Variants in CCDC194 observed in about 807,000 individuals in gnomAD.
The protein encoded by CCDC194 is coiled-coil domain-containing protein 194.
In CCDC194, 8 loss-of-function variants were observed where a neutral mutation model predicts 4.9. The observed-to-expected ratio is 1.65, with a 90% CI of 0.97 to 2.97. The LOEUF is 2.97. Ranked by LOEUF, CCDC194 falls within the 30% of genes most tolerant of loss-of-function variation. CCDC194 has a pLI of 0.00. For synonymous variants in CCDC194, 13 were observed against 17.0 expected, an observed-to-expected ratio of 0.76 and a Z score of 0.58; for missense variants, 52 against 43.1, an observed-to-expected ratio of 1.21 and a Z score of -0.58.
downstream of CCDC194, among the ~76,000 whole-genome samples, chr19:17,388,066 TTA>T (rs1017455359): frequency 7.0e-4 from 106 of 151,046 alleles, 1 homozygote; most frequent in Non-Finnish European, 1.9e-4. Context: ...TTTTGTATTT[TTA>T]ATAGAGAAAG....
chr19:17,391,532 T>C (rs1599587707), intron 2 of CCDC194, 189 bp from the exon 3 acceptor site: 2 of 1,128,692 alleles, frequency 1.8e-6, no homozygotes, highest in Admixed American at 2.6e-5. Context: ...ATTGCTTTCG[T>C]GAGTCGTTTA....
exon 1 of CCDC194, chr19:17,393,904 C>G (rs1009740577): frequency 5.0e-6 from 2 of 397,410 alleles, no homozygotes; most frequent in African/African-American, 4.1e-5. Flanking sequence ...GGTCCAGCTG[C>G]CTGGCTAGGG....
chr19:17,390,323 T>A (rs75265974), downstream of CCDC194, among the ~76,000 whole-genome samples: 3,373 of 152,256 alleles, frequency 0.022, 44 homozygotes, highest in African/African-American at 0.034. This position sits in a 1 kb window ranked among gnomAD's most constrained non-coding sequence, Gnocchi z 5.5. Flanking sequence ...GTCTGTAGAA[T>A]AAGCACTTTA....
intron 2 of CCDC194, 35 bp from the exon 3 acceptor site, chr19:17,391,378 T>TGCCCCC: frequency 2.0e-6 from 1 of 501,564 alleles, no homozygotes; most frequent in East Asian, 3.5e-5. Flanking sequence ...GGCTGGAGAC[T>TGCCCCC]CCCGCGCCCA....
At chr19:17,393,499 C>A (rs889261738) in intron 1 of CCDC194, among the ~76,000 whole-genome samples, 2 of 151,428 alleles carry the variant, frequency 1.3e-5, no homozygotes, top group African/African-American at 2.4e-5. Context: ...AGCGATTCTC[C>A]CGCGTTAGCC....
At chr19:17,392,555 CG>C (rs1369518638) in intron 1 of CCDC194, among the ~76,000 whole-genome samples, 4 of 152,126 alleles carry the variant, frequency 2.6e-5, no homozygotes, top group African/African-American at 7.2e-5. Flanking sequence ...GGGTATGTGT[CG>C]GTTGCCTGTG....
chr19:17,392,439 C>T (rs372839485), intron 1 of CCDC194, among the ~76,000 whole-genome samples: 5 of 152,216 alleles, frequency 3.3e-5, no homozygotes, highest in African/African-American at 1.2e-4. Flanking sequence ...TGCCACTGCA[C>T]TCCAGCCTGG....
chr19:17,391,634 G>A, intron 2 of CCDC194, 116 bp downstream of exon 2: 1 of 1,527,390 alleles, frequency 6.5e-7, no homozygotes, highest in Non-Finnish European at 8.7e-7. Flanking sequence ...ATAAGTTTTT[G>A]CGTTTATATC....
At chr19:17,387,396 C>A (rs2074639485), downstream of CCDC194, among the ~76,000 whole-genome samples, 1 of 151,708 alleles carries the variant, frequency 6.6e-6, no homozygotes, top group South Asian at 2.1e-4. Context: ...TAAAAGTCCC[C>A]TCCCCAAGCC....
At chr19:17,388,954 T>C (rs1234132396), downstream of CCDC194, among the ~76,000 whole-genome samples, 1 of 152,130 alleles carries the variant, frequency 6.6e-6, no homozygotes, top group Non-Finnish European at 1.5e-5. Context: ...TCCTCCCGCC[T>C]CAGCCTCCCA....
chr19:17,391,785 C>G, exon 2 of CCDC194: 1 of 1,535,678 alleles, frequency 6.5e-7, no homozygotes, highest in Non-Finnish European at 8.7e-7. Context: ...CATCTGGGTC[C>G]CCTGTGCCTT....
At chr19:17,393,779 G>T (rs1057493705) in intron 1 of CCDC194, 56 bp downstream of exon 1, 2 of 392,940 alleles carry the variant, frequency 5.1e-6, no homozygotes, top group African/African-American at 4.1e-5. Context: ...TGGGCAGGCC[G>T]TCTCTTATCT....
Position 17,390,651 on chromosome 19 carries a change from A to C in CCDC194, c.563T>G (p.Leu188Arg), listed in dbSNP as rs1483058942. 2.5e-6 allele frequency: 1 copy of C among 397,752 alleles called. No homozygotes were observed. Among genetic ancestry groups the C allele is most frequent in the East Asian group, 3.6e-5 (1 of 28,032 alleles). 24.6% of individuals were successfully genotyped at this position (397,752 alleles called of 1,614,324 possible). Residue 188 changes from leucine to arginine, a missense_variant, in exon 4 of 4, where the codon CTG (leucine) becomes CGG (arginine). Transcript: ENST00000636079. This position sits in a 1 kb window ranked among gnomAD's most constrained non-coding sequence, Gnocchi z 5.5. ...GCGCTGTGGGCTCATCTCGGCTTCC[A>C]GGACGTTACTGCCGGGAAGGGGGAA...
downstream of CCDC194, among the ~76,000 whole-genome samples, chr19:17,387,677 C>T (rs1464216927): frequency 6.6e-6 from 1 of 151,694 alleles, no homozygotes; most frequent in Non-Finnish European, 1.5e-5. Context: ...GAGACTGCGC[C>T]ATTGCACTCC....
chr19:17,388,580 TG>T (rs369714482), downstream of CCDC194, among the ~76,000 whole-genome samples: 1 of 151,970 alleles, frequency 6.6e-6, no homozygotes, highest in African/African-American at 2.4e-5. Flanking sequence ...TTTGTATTTT[TG>T]GTAGAGAATG....
At chr19:17,391,281 G>T (rs1016473176) in exon 3 of CCDC194, 9 of 415,590 alleles carry the variant, frequency 2.2e-5, no homozygotes, top group African/African-American at 1.9e-4. Context: ...CCTGCGCGCC[G>T]CAGAGCCTCG....
At chr19:17,393,041 T>G (rs997725979) in intron 1 of CCDC194, among the ~76,000 whole-genome samples, 29 of 151,634 alleles carry the variant, frequency 1.9e-4, no homozygotes, top group African/African-American at 7.0e-4. Flanking sequence ...GAGGTTGGGG[T>G]GGAATGGGGG....
At chr19:17,391,659 T>G (rs930891855) in intron 2 of CCDC194, 91 bp downstream of exon 2, 1 of 1,534,722 alleles carries the variant, frequency 6.5e-7, no homozygotes, top group Non-Finnish European at 8.7e-7. Flanking sequence ...TTATTTGCAT[T>G]ACGTTTGCAA....
downstream of CCDC194, among the ~76,000 whole-genome samples, chr19:17,387,836 G>A (rs939101412): frequency 6.6e-6 from 1 of 152,104 alleles, no homozygotes; most frequent in Non-Finnish European, 1.5e-5. Context: ...GTTGCATAGC[G>A]TTCCACTGTG....
Sources: gnomAD v4.1 joint callset for allele counts (sites outside exome capture counted in the v4.1 genomes callset) on GRCh38, gnomAD v4.1.1 for gene constraint, Gnocchi (gnomAD v3.1) non-coding constraint, MANE v1.5 for transcripts, NCBI Gene and HGNC (gene_info 2026-07-23, HGNC 2026-07-21) for gene names.